NAALADL2: variants seen among roughly 807,000 people sequenced by gnomAD.
The protein encoded by NAALADL2 is N-acetylated alpha-linked acidic dipeptidase like 2.
Under a neutral mutation model 87.2 loss-of-function variants are expected in NAALADL2, and 76 were observed. The ratio of observed to expected loss-of-function variants is 0.87; its 90% CI spans 0.72 to 1.05. The LOEUF is 1.05. Among genes scored for constraint, NAALADL2 ranks in the 50% least tolerant of loss-of-function variants. The pLI, the probability that NAALADL2 is intolerant of heterozygous loss-of-function variation, is 0.00. For synonymous variants in NAALADL2, 354 were observed against 331.0 expected (o/e 1.07, Z -0.75); for missense variants, 1,089 against 945.8 (o/e 1.15, Z -1.99).
chr3:175,079,908 C>A (rs1717410614), intron 1 of NAALADL2, among the ~76,000 whole-genome samples: 1 of 151,980 alleles, frequency 6.6e-6, no homozygotes, highest in African/African-American at 2.4e-5. Context: ...TTTTTGATTC[C>A]TAGCAAATAT....
chr3:174,782,503 T>A (rs748883733), intron 3 of NAALADL2, among the ~76,000 whole-genome samples: 5 of 152,130 alleles, frequency 3.3e-5, no homozygotes, highest in Non-Finnish European at 5.9e-5. Flanking sequence ...CTATTTATTT[T>A]TGTACTTATA....
chr3:175,135,962 T>C (rs1729051712), intron 2 of NAALADL2, among the ~76,000 whole-genome samples: 1 of 152,140 alleles, frequency 6.6e-6, no homozygotes, highest in Admixed American at 6.5e-5. Context: ...AGAAGACTAA[T>C]GTAAATTATA....
At chr3:175,000,572 A>G (rs562328329) in intron 1 of NAALADL2, among the ~76,000 whole-genome samples, 3 of 152,080 alleles carry the variant, frequency 2.0e-5, no homozygotes, top group South Asian at 2.1e-4. Flanking sequence ...CCTTTAACCT[A>G]TTTACCCTTT....
At chr3:174,845,405 G>T (rs879517951) in intron 3 of NAALADL2, among the ~76,000 whole-genome samples, 6 of 152,232 alleles carry the variant, frequency 3.9e-5, no homozygotes, top group Admixed American at 3.3e-4. Context: ...ATGGGCACAT[G>T]AGAGTTAGGC....
intron 2 of NAALADL2, among the ~76,000 whole-genome samples, chr3:174,647,544 GT>G (rs1723920380): frequency 6.6e-6 from 1 of 152,238 alleles, no homozygotes; most frequent in Middle Eastern, 3.4e-3. Context: ...ATATGCCTTT[GT>G]TTTTAATGTT....
chr3:175,208,409 G>T (rs1741273147), intron 2 of NAALADL2, among the ~76,000 whole-genome samples: 1 of 152,076 alleles, frequency 6.6e-6, no homozygotes, highest in Non-Finnish European at 1.5e-5. Flanking sequence ...CTTCTCTCTT[G>T]ACTTTATATG....
rs1203116462 is a variant in NAALADL2, at chr3:175,447,095, T to C, written c.1091-134T>C. 4 of 571,598 alleles carry C rather than the reference T, an allele frequency of 7.0e-6. No individual in the cohort carries two copies. In the East Asian group the frequency reaches 1.2e-4, roughly 17 times the overall value. The allele number at this position is 571,598 out of a possible 1,614,324, so 35.4% of individuals were successfully genotyped here. On this transcript the variant is annotated intron_variant, in intron 5 of 13. Transcript: ENST00000454872. ...TGTTAATAAGTAAACAGGGTATAAC[T>C]AAGGAGTAGATAAACAAGTGAATGA...
Position 175,204,464 on chromosome 3 carries a change from A to G in NAALADL2, c.546-29467A>G, listed in dbSNP as rs973567693. Among the ~76,000 whole-genome samples, 12 of 152,312 alleles carry G rather than the reference A, an allele frequency of 7.9e-5. No homozygotes were observed. The East Asian group carries it at 2.3e-3, about 29-fold the overall frequency. Reference sequence around the variant, plus strand: ...CTTAATGTAATAAAATCCATCTATGACAAACCCACAGCCAACATAATACTG... The same window carrying G: ...CTTAATGTAATAAAATCCATCTATGGCAAACCCACAGCCAACATAATACTG... On this transcript the variant is annotated intron_variant, in intron 2 of 13. Transcript: ENST00000454872.
chr3:175,740,791 C>G (rs1325213542), intron 12 of NAALADL2, among the ~76,000 whole-genome samples: 1 of 152,184 alleles, frequency 6.6e-6, no homozygotes, highest in Non-Finnish European at 1.5e-5. Flanking sequence ...TATGGAGTGG[C>G]TGTTCTTTCA....
chr3:175,035,335 T>C (rs1044257872), intron 1 of NAALADL2, among the ~76,000 whole-genome samples: 1 of 152,162 alleles, frequency 6.6e-6, no homozygotes, highest in African/African-American at 2.4e-5. Context: ...AGGACGAAGA[T>C]AATTTAAAAT....
At chr3:175,152,168 A>G (rs1315133807) in intron 2 of NAALADL2, among the ~76,000 whole-genome samples, 2 of 152,158 alleles carry the variant, frequency 1.3e-5, no homozygotes, top group Non-Finnish European at 2.9e-5. Context: ...AACTTTGAGA[A>G]GAAAATTTGG....
intron 11 of NAALADL2, among the ~76,000 whole-genome samples, chr3:175,698,592 A>G (rs1738527472): frequency 6.7e-6 from 1 of 149,716 alleles, no homozygotes. Flanking sequence ...TAAGACTGTT[A>G]TATCATTAAA....
intron 1 of NAALADL2, among the ~76,000 whole-genome samples, chr3:174,955,632 A>G (rs1401807110): frequency 6.6e-6 from 1 of 152,126 alleles, no homozygotes; most frequent in Non-Finnish European, 1.5e-5. Flanking sequence ...ATTAAATAGT[A>G]TTAAAGTTAA....
At chr3:175,403,431 T>C (rs2149066656) in intron 5 of NAALADL2, among the ~76,000 whole-genome samples, 1 of 152,176 alleles carries the variant, frequency 6.6e-6, no homozygotes, top group South Asian at 2.1e-4. Flanking sequence ...ATTTAGTCCT[T>C]TGAATGGGTA....
At chr3:175,160,356 C>CTTTCTTTTTTT (rs1732972652) in intron 2 of NAALADL2, among the ~76,000 whole-genome samples, 5 of 55,960 alleles carry the variant, frequency 8.9e-5, no homozygotes, top group African/African-American at 2.0e-4. Context: ...TGTATCTTTT[C>CTTTCTTTTTTT]TTTCTTTTTT....
intron 11 of NAALADL2, among the ~76,000 whole-genome samples, chr3:175,649,995 C>G (rs1326093168): frequency 6.7e-6 from 1 of 148,952 alleles, no homozygotes; most frequent in East Asian, 2.0e-4. Flanking sequence ...CCAACAATTC[C>G]ACTCCTAGGA....
intron 4 of NAALADL2, among the ~76,000 whole-genome samples, chr3:175,294,927 GATTGCTTCTTA>G (rs1756126920): frequency 1.3e-5 from 2 of 152,190 alleles, no homozygotes; most frequent in African/African-American, 4.8e-5. Flanking sequence ...GTCAAAGCAT[GATTGCTTCTTA>G]ATAGCTGTGT....
intron 1 of NAALADL2, among the ~76,000 whole-genome samples, chr3:174,987,556 G>A (rs1266606273): frequency 6.6e-5 from 6 of 91,102 alleles, no homozygotes; most frequent in African/African-American, 5.1e-5. Flanking sequence ...GCGACAGAGC[G>A]AGACTCCGTC....
At chr3:175,290,739 GTTTA>G (rs1184967560) in intron 4 of NAALADL2, among the ~76,000 whole-genome samples, 1 of 152,022 alleles carries the variant, frequency 6.6e-6, no homozygotes, top group Non-Finnish European at 1.5e-5. Context: ...TAGGCATAAA[GTTTA>G]TTTAAAATAT....
Sources: gnomAD v4.1 joint callset for allele counts (sites outside exome capture counted in the v4.1 genomes callset) on GRCh38, gnomAD v4.1.1 for gene constraint, MANE v1.5 for transcripts, NCBI Gene and HGNC (gene_info 2026-07-23, HGNC 2026-07-21) for gene names.